Variants in MAGI1 observed in about 807,000 individuals in gnomAD.
The protein encoded by MAGI1 is membrane associated guanylate kinase, WW and PDZ domain containing 1.
Under a neutral mutation model 139.9 loss-of-function variants are expected in MAGI1, and 58 were observed. The ratio of observed to expected loss-of-function variants is 0.41; its 90% CI spans 0.34 to 0.52. The LOEUF is 0.52. Among genes scored for constraint, MAGI1 ranks in the 20% least tolerant of loss-of-function variants. The pLI is 0.12. For synonymous variants in MAGI1, 812 were observed against 737.9 expected, an observed-to-expected ratio of 1.10 and a Z score of -1.63; for missense variants, 1,874 against 1,901.6, an observed-to-expected ratio of 0.99 and a Z score of 0.27.
At chr3:65,465,145 C>T (rs1368523050) in intron 5 of MAGI1, among the ~76,000 whole-genome samples, 1 of 151,168 alleles carries the variant, frequency 6.6e-6, no homozygotes, top group East Asian at 1.9e-4. Context: ...ATTCTCTCTA[C>T]ACACATTTAG....
chr3:65,692,643 T>C (rs1399287201), intron 1 of MAGI1, among the ~76,000 whole-genome samples: 1 of 152,292 alleles, frequency 6.6e-6, no homozygotes, highest in Admixed American at 6.5e-5. Flanking sequence ...TGTCCCACAG[T>C]GCAACTGTGT....
chr3:65,813,577 G>C (rs1451170404), intron 1 of MAGI1, among the ~76,000 whole-genome samples: 1 of 152,114 alleles, frequency 6.6e-6, no homozygotes, highest in African/African-American at 2.4e-5. Flanking sequence ...GTTGACTATG[G>C]GTAAGTAACT....
chr3:65,560,328 C>G (rs932370504), intron 2 of MAGI1, among the ~76,000 whole-genome samples: 5 of 152,084 alleles, frequency 3.3e-5, no homozygotes, highest in African/African-American at 1.2e-4. Flanking sequence ...GTTTGTAATA[C>G]AAAGGATAAA....
At chr3:65,830,481 C>A (rs1214972756) in intron 1 of MAGI1, among the ~76,000 whole-genome samples, 1 of 152,168 alleles carries the variant, frequency 6.6e-6, no homozygotes, top group Non-Finnish European at 1.5e-5. Flanking sequence ...ATGCAAAACA[C>A]AAAATATGTT....
intron 2 of MAGI1, among the ~76,000 whole-genome samples, chr3:65,547,533 G>C (rs572836226): frequency 9.3e-4 from 141 of 152,038 alleles, no homozygotes; most frequent in Non-Finnish European, 1.6e-3. Context: ...GTCACCTCAA[G>C]GTACCCCAGA....
At chr3:65,599,824 G>T (rs1360196595) in intron 2 of MAGI1, among the ~76,000 whole-genome samples, 1 of 152,086 alleles carries the variant, frequency 6.6e-6, no homozygotes, top group African/African-American at 2.4e-5. Context: ...TAGACATCCT[G>T]GACCTGCCAG....
intron 2 of MAGI1, among the ~76,000 whole-genome samples, chr3:65,551,606 C>A (rs2079837647): frequency 6.6e-6 from 1 of 152,204 alleles, no homozygotes; most frequent in Non-Finnish European, 1.5e-5. Context: ...GGCCCACTTT[C>A]CTTTATAAAT....
At chr3:65,360,218 A>T (rs1424290544) in intron 22 of MAGI1, 7 of 985,276 alleles carry the variant, frequency 7.1e-6, no homozygotes, top group Non-Finnish European at 8.4e-6. Flanking sequence ...CTTTCAGAAA[A>T]GAGGGTGATA....
chr3:65,903,166 G>T (rs1374515189), intron 1 of MAGI1, among the ~76,000 whole-genome samples: 7 of 152,134 alleles, frequency 4.6e-5, no homozygotes, highest in Non-Finnish European at 1.0e-4. Context: ...AGCCAATGTT[G>T]TTTATTTTTT....
At chr3:65,595,564 C>T (rs527925366) in intron 2 of MAGI1, among the ~76,000 whole-genome samples, 11 of 152,192 alleles carry the variant, frequency 7.2e-5, no homozygotes, top group African/African-American at 2.2e-4. Context: ...CATGCCCATG[C>T]TTTTGCTCAG....
intron 3 of MAGI1, among the ~76,000 whole-genome samples, chr3:65,480,199 G>A (rs1232027717): frequency 2.0e-5 from 3 of 150,278 alleles, no homozygotes; most frequent in East Asian, 1.9e-4. Context: ...AAAAGGAGAC[G>A]GTAATAGCCT....
chr3:65,812,454 T>TCACACACA (rs2041307159), intron 1 of MAGI1, among the ~76,000 whole-genome samples: 1 of 112,470 alleles, frequency 8.9e-6, no homozygotes, highest in Non-Finnish European at 1.7e-5. Flanking sequence ...TTTCTCTCTC[T>TCACACACA]CTCTCTCTCT....
At chr3:65,834,107 A>G (rs2042675386) in intron 1 of MAGI1, among the ~76,000 whole-genome samples, 1 of 152,256 alleles carries the variant, frequency 6.6e-6, no homozygotes, top group Admixed American at 6.5e-5. Flanking sequence ...CAGCTGATAG[A>G]TAAACAACAA....
chr3:65,769,341 T>C (rs1213177646), intron 1 of MAGI1, among the ~76,000 whole-genome samples: 5 of 152,060 alleles, frequency 3.3e-5, no homozygotes, highest in Non-Finnish European at 7.4e-5. Context: ...TTCATAAGCG[T>C]AGTAGAGCAT....
intron 16 of MAGI1, among the ~76,000 whole-genome samples, chr3:65,380,433 C>CCAT (rs1290234626): frequency 2.0e-5 from 3 of 152,110 alleles, no homozygotes; most frequent in Non-Finnish European, 4.4e-5. Context: ...TTTTGTGCAA[C>CCAT]CATCATCATC....
At chr3:65,420,810 A>G (rs1320817980) in intron 12 of MAGI1, among the ~76,000 whole-genome samples, 2 of 152,240 alleles carry the variant, frequency 1.3e-5, no homozygotes, top group East Asian at 1.9e-4. Flanking sequence ...AATAATGCAT[A>G]TAAGTAAGTA....
At chr3:65,717,208 G>T (rs1365651970) in intron 1 of MAGI1, among the ~76,000 whole-genome samples, 4 of 152,210 alleles carry the variant, frequency 2.6e-5, no homozygotes, top group Admixed American at 6.5e-5. Context: ...ACAAACAACC[G>T]AAAAGTCAAA....
intron 14 of MAGI1, among the ~76,000 whole-genome samples, chr3:65,387,392 T>TA (rs1943540023): frequency 6.6e-6 from 1 of 151,556 alleles, no homozygotes; most frequent in African/African-American, 2.4e-5. Flanking sequence ...TTCTTTCTTT[T>TA]TTTTTTTACA....
At chr3:65,910,659 G>A (rs896144503) in intron 1 of MAGI1, among the ~76,000 whole-genome samples, 7 of 151,762 alleles carry the variant, frequency 4.6e-5, no homozygotes, top group South Asian at 2.1e-4. Context: ...AACATCCTGC[G>A]TTAGAAACGA....
Sources: allele counts gnomAD v4.1 joint callset (sites outside exome capture counted in the v4.1 genomes callset), GRCh38; gene constraint gnomAD v4.1.1; transcripts MANE v1.5; gene names NCBI Gene and HGNC (gene_info 2026-07-23, HGNC 2026-07-21).